The following DLG1 variants were observed in gnomAD, a reference collection of about 807,000 sequenced individuals.
The protein encoded by DLG1 is disks large homolog 1.
Under a neutral mutation model 123.4 loss-of-function variants are expected in DLG1, and 42 were observed. The observed-to-expected ratio is 0.34, with a 90% CI of 0.27 to 0.44. DLG1 has a LOEUF of 0.44. Ranked by LOEUF, DLG1 falls within the 20% of genes least tolerant of loss-of-function variation. DLG1 has a pLI of 1.00. For missense variants in DLG1, 942 were observed against 1,082.6 expected (o/e 0.87, Z 1.82); for synonymous variants, 317 against 356.2 (o/e 0.89, Z 1.24).
intron 4 of DLG1, among the ~76,000 whole-genome samples, chr3:197,203,505 AATT>A (rs1726935444): frequency 6.6e-6 from 1 of 152,156 alleles, no homozygotes. Context: ...ATGCCCCAGT[AATT>A]ATATTTACCC....
intron 10 of DLG1, 70 bp from the exon 11 acceptor site, chr3:197,130,741 AAAAG>A: frequency 7.8e-7 from 1 of 1,286,088 alleles, no homozygotes; most frequent in East Asian, 2.4e-5. Context: ...CAATTTCACG[AAAAG>A]AAAGGGAAAA....
At chr3:197,252,248 T>C (rs1385751642) in intron 4 of DLG1, among the ~76,000 whole-genome samples, 1 of 152,198 alleles carries the variant, frequency 6.6e-6, no homozygotes, top group Non-Finnish European at 1.5e-5. Context: ...TTACTGCTTT[T>C]ACTTTGGATT....
intron 4 of DLG1, among the ~76,000 whole-genome samples, chr3:197,222,122 T>C (rs1216423147): frequency 6.6e-6 from 1 of 152,168 alleles, no homozygotes; most frequent in East Asian, 1.9e-4. Flanking sequence ...CCACAGTCGG[T>C]TGAATCCACA....
At chr3:197,051,315 C>T (rs781356098) in intron 24 of DLG1, among the ~76,000 whole-genome samples, 2 of 148,658 alleles carry the variant, frequency 1.3e-5, no homozygotes, top group Non-Finnish European at 3.0e-5. Flanking sequence ...CCCAGCTACT[C>T]GGGAGGCTGA....
intron 16 of DLG1, chr3:197,085,332 G>A (rs1753694999): frequency 1.1e-5 from 5 of 442,732 alleles, no homozygotes; most frequent in East Asian, 4.7e-5. Flanking sequence ...CTTGTGTCAC[G>A]GAAACTTTGT....
At chr3:197,281,569 T>C (rs1196062192) in intron 4 of DLG1, among the ~76,000 whole-genome samples, 1 of 151,974 alleles carries the variant, frequency 6.6e-6, no homozygotes, top group Non-Finnish European at 1.5e-5. Context: ...CCAAAGAGTA[T>C]GGAAATGGAA....
intron 17 of DLG1, among the ~76,000 whole-genome samples, chr3:197,078,091 CGCTTGAGGCCAGGAGTTCAAAATCA>C (rs1748454847): frequency 6.7e-6 from 1 of 149,188 alleles, no homozygotes; most frequent in South Asian, 2.1e-4. Context: ...GCAGGAGGAT[CGCTTGAGGCCAGGAGTTCAAAATCA>C]GCCTAGGCAA....
intron 4 of DLG1, among the ~76,000 whole-genome samples, chr3:197,221,492 T>A (rs1363892320): frequency 6.7e-6 from 1 of 150,180 alleles, no homozygotes; most frequent in Non-Finnish European, 1.5e-5. Context: ...ACCACTGCAC[T>A]CCAGCCTGGG....
chr3:197,075,803 TA>T, intron 18 of DLG1: 1 of 1,605,074 alleles, frequency 6.2e-7, no homozygotes. Flanking sequence ...AGATGGAGGT[TA>T]AAAAATAACT....
chr3:197,298,585 A>C lies in DLG1; in HGVS notation c.-81T>G. ...GCAGTGCCGTTTCCAACTCCGCGGCAGAGACAGCGCCTGGCGACCCCGGGG... is the reference window on the plus strand; with the variant it reads ...GCAGTGCCGTTTCCAACTCCGCGGCCGAGACAGCGCCTGGCGACCCCGGGG... On this transcript the variant is annotated 5_prime_UTR_variant, in exon 1 of 25. Coordinates refer to ENST00000667157, the MANE Select transcript of DLG1 (RefSeq NM_001366207.1). 2.5e-6 allele frequency: 1 copy of C among 396,718 alleles called. No homozygotes were observed. The highest frequency in any genetic ancestry group is 4.4e-6 in the Non-Finnish European group (1 of 225,138). 24.6% of individuals were successfully genotyped at this position (396,718 alleles called of 1,614,324 possible). A position where few individuals can be genotyped will look rare whatever the true frequency, so the allele number is the denominator to read the frequency against.
intron 4 of DLG1, among the ~76,000 whole-genome samples, chr3:197,213,057 C>T (rs1457011100): frequency 1.3e-5 from 2 of 152,140 alleles, no homozygotes; most frequent in Non-Finnish European, 2.9e-5. Context: ...TGAAAACAAC[C>T]TCAAGACAGT....
chr3:197,046,368 T>G (rs970874603), intron 24 of DLG1, among the ~76,000 whole-genome samples: 3 of 152,174 alleles, frequency 2.0e-5, no homozygotes, highest in African/African-American at 7.2e-5. Context: ...CCAGGGAAAC[T>G]GGGAAAGCAT....
chr3:197,286,871 A>G (rs1772101829), intron 3 of DLG1, among the ~76,000 whole-genome samples: 1 of 151,484 alleles, frequency 6.6e-6, no homozygotes, highest in African/African-American at 2.4e-5. Context: ...GGGATTATAT[A>G]CAAGAGCCAC....
At chr3:197,137,611 A>C (rs1465277291) in intron 9 of DLG1, among the ~76,000 whole-genome samples, 1 of 152,140 alleles carries the variant, frequency 6.6e-6, no homozygotes, top group East Asian at 1.9e-4. Context: ...AAAAATCATA[A>C]AAAACTTATA....
intron 4 of DLG1, among the ~76,000 whole-genome samples, chr3:197,234,040 CAA>C (rs1744669507): frequency 6.6e-6 from 1 of 152,202 alleles, no homozygotes; most frequent in Non-Finnish European, 1.5e-5. Flanking sequence ...TAGATGAACA[CAA>C]AGAGGCTGTG....
At chr3:197,279,722 T>C (rs1768249590) in intron 4 of DLG1, among the ~76,000 whole-genome samples, 1 of 152,196 alleles carries the variant, frequency 6.6e-6, no homozygotes, top group Admixed American at 6.5e-5. Context: ...TTTATAAAAA[T>C]TGAAGTGTTA....
intron 4 of DLG1, among the ~76,000 whole-genome samples, chr3:197,198,731 A>AC (rs1175916131): frequency 1.3e-5 from 2 of 152,210 alleles, no homozygotes; most frequent in African/African-American, 4.8e-5. Flanking sequence ...ATGAGATACT[A>AC]CTTCACATCC....
chr3:197,225,638 A>G (rs934101370), intron 4 of DLG1, among the ~76,000 whole-genome samples: 1 of 152,222 alleles, frequency 6.6e-6, no homozygotes, highest in Non-Finnish European at 1.5e-5. Context: ...TTAATGGAAA[A>G]TGACATTTTA....
intron 4 of DLG1, among the ~76,000 whole-genome samples, chr3:197,216,968 G>C (rs1254596435): frequency 6.6e-6 from 1 of 152,210 alleles, no homozygotes; most frequent in African/African-American, 2.4e-5. Flanking sequence ...TTTAATTGTA[G>C]AAGTAACATC....
Sources: gnomAD v4.1 joint callset for allele counts (sites outside exome capture counted in the v4.1 genomes callset) on GRCh38, gnomAD v4.1.1 for gene constraint, MANE v1.5 for transcripts, NCBI Gene and HGNC (gene_info 2026-07-23, HGNC 2026-07-21) for gene names.